Variants in GAS2L3 observed in about 807,000 individuals in gnomAD.
GAS2L3 encodes GAS2-like protein 3.
GAS2L3 carries 28 observed loss-of-function variants against 37.0 expected under a neutral mutation model. That is an observed-to-expected ratio of 0.76 (90% confidence interval 0.56 to 1.04). The LOEUF (loss-of-function observed/expected upper bound fraction) is 1.04, where lower values mean the gene tolerates loss of function less well. Among genes scored for constraint, GAS2L3 ranks in the 50% least tolerant of loss-of-function variants. The pLI is 0.00. For missense variants in GAS2L3, 793 were observed against 817.6 expected, an observed-to-expected ratio of 0.97 and a Z score of 0.37; for synonymous variants, 290 against 296.6, an observed-to-expected ratio of 0.98 and a Z score of 0.23.
At chr12:100,594,460 T>C (rs758969447) in intron 2 of GAS2L3, among the ~76,000 whole-genome samples, 17 of 152,040 alleles carry the variant, frequency 1.1e-4, no homozygotes, top group Non-Finnish European at 2.1e-4. Context: ...CTGTTAGGAC[T>C]TTGATGACAG....
In GAS2L3 at chr12:100,589,036, G is replaced by A. The variant is rs111378140; in HGVS notation, c.-151-2700G>A. 1.6e-3 allele frequency among the ~76,000 whole-genome samples: 239 copies of A among 152,266 alleles called. 2 individuals carry two copies. The East Asian group carries it at 0.024, about 15-fold the overall frequency. ...ACACAATTATCACAGTGGTCCTGAG[G>A]TGATGTACATCCTCAGCTTACGAAG... is the stretch of plus-strand genomic sequence containing the variant. On this transcript the variant is annotated intron_variant, in intron 1 of 9. Transcript: ENST00000547754.
chr12:100,594,362 T>G (rs554859099), intron 2 of GAS2L3, among the ~76,000 whole-genome samples: 7 of 152,182 alleles, frequency 4.6e-5, no homozygotes, highest in African/African-American at 1.4e-4. Context: ...CATTGAGCAT[T>G]TTGGTTCACA....
intron 2 of GAS2L3, chr12:100,593,832 G>A (rs550340577): frequency 6.6e-6 from 1 of 152,172 alleles, no homozygotes; most frequent in Admixed American, 6.6e-5. Context: ...GTGGTGGAGA[G>A]AAGGGAAAAT....
chr12:100,615,887 G>T (rs1184761992), intron 6 of GAS2L3, among the ~76,000 whole-genome samples: 1 of 152,068 alleles, frequency 6.6e-6, no homozygotes, highest in Non-Finnish European at 1.5e-5. Context: ...CTTGATTACT[G>T]TAGCTTATAG....
chr12:100,577,877 A>G (rs1156933754), intron 1 of GAS2L3, among the ~76,000 whole-genome samples: 1 of 152,230 alleles, frequency 6.6e-6, no homozygotes, highest in African/African-American at 2.4e-5. Context: ...AGGTGAAAGC[A>G]TGGCGCTTAG....
chr12:100,586,222 T>A (rs1217008595), intron 1 of GAS2L3, among the ~76,000 whole-genome samples: 1 of 152,146 alleles, frequency 6.6e-6, no homozygotes, highest in African/African-American at 2.4e-5. Context: ...TTGGGACAAA[T>A]GGACTTAACA....
intron 8 of GAS2L3, 43 bp from the exon 9 acceptor site, chr12:100,622,232 C>CT: frequency 9.2e-7 from 1 of 1,091,778 alleles, no homozygotes; most frequent in Non-Finnish European, 1.4e-6. Context: ...AAACAAAATG[C>CT]TTTTTGTGAC....
chr12:100,615,949 T>C (rs1956182086), intron 6 of GAS2L3, among the ~76,000 whole-genome samples: 1 of 151,970 alleles, frequency 6.6e-6, no homozygotes, highest in African/African-American at 2.4e-5. Flanking sequence ...TTTTTCTAGA[T>C]TGGTTAGGCT....
At chr12:100,579,501 T>C (rs1029489395) in intron 1 of GAS2L3, 11 of 773,058 alleles carry the variant, frequency 1.4e-5, no homozygotes, top group South Asian at 1.1e-4. Flanking sequence ...TTGTCAGAAA[T>C]ATTAAGATTT....
Position 100,624,591 on chromosome 12 carries a change from G to A in GAS2L3, c.1786G>A (p.Ala596Thr). 4 of 1,614,078 alleles carry A rather than the reference G, an allele frequency of 2.5e-6. No individual in the cohort carries two copies. Among genetic ancestry groups the A allele is most frequent in the Non-Finnish European group, 3.4e-6 (4 of 1,180,032 alleles). The change falls in exon 10 of 10, where the codon GCA (alanine) becomes ACA (threonine). Residue 596 changes from alanine to threonine, a missense_variant. By Grantham distance (58) the Ala-to-Thr change is moderately conservative. Transcript: ENST00000547754. ...ATKKQPQNKS[A>T]FQKTGPSSLK... ...CAAAAAGCAGCCTCAGAATAAAAGT[G>A]CATTTCAGAAGACAGGACCCAGCTC...
At position 100,624,822 on chromosome 12, in the gene GAS2L3, A is replaced by G. The variant is rs767945220; in HGVS notation, c.2017A>G (p.Thr673Ala). 6.2e-7 allele frequency: 1 copy of G among 1,612,562 alleles called. No homozygotes were observed. Among genetic ancestry groups the G allele is most frequent in the East Asian group, 2.2e-5 (1 of 44,884 alleles). ...KDADSGDKKPTAKKKEDDDHY... is the reference protein window; with the variant it reads ...KDADSGDKKPAAKKKEDDDHY... ...TGCAGATAGTGGAGATAAAAAACCT[A>G]CTGCAAAGAAAAAGGAAGATGATGA... Residue 673 changes from threonine (T) to alanine (A), a missense_variant, in exon 10 of 10, where the codon ACT becomes GCT. By Grantham distance (58) the Thr-to-Ala change is moderately conservative. Coordinates refer to ENST00000547754, the MANE Select transcript of GAS2L3 (RefSeq NM_174942.3).
At chr12:100,575,103 AG>A (rs963541437) in intron 1 of GAS2L3, among the ~76,000 whole-genome samples, 13 of 152,186 alleles carry the variant, frequency 8.5e-5, no homozygotes, top group African/African-American at 3.1e-4. Context: ...AGTCTGTGAA[AG>A]AAGGTTAATA....
rs1199311062 is a variant in GAS2L3 at position 100,573,691 on chromosome 12, G to C, written c.-246G>C. 3 of 158,126 alleles carry C rather than the reference G, an allele frequency of 1.9e-5. No homozygotes were observed. Among genetic ancestry groups the C allele is most frequent in the African/African-American group, 7.2e-5 (3 of 41,510 alleles). The allele number at this position is 158,126 out of a possible 1,614,324, so 9.8% of individuals were successfully genotyped here. Reference sequence around the variant, plus strand: ...CTACTGACCCTGAGGCCCAGGCGGCGGCGGCAGCGGCGGCGGTTGGTCAGG... The same window carrying C: ...CTACTGACCCTGAGGCCCAGGCGGCCGCGGCAGCGGCGGCGGTTGGTCAGG... On this transcript the variant is annotated 5_prime_UTR_variant, in exon 1 of 10. Coordinates refer to ENST00000547754, the MANE Select transcript of GAS2L3 (RefSeq NM_174942.3).
chr12:100,591,405 G>T (rs1464222169), intron 1 of GAS2L3, among the ~76,000 whole-genome samples: 1 of 152,170 alleles, frequency 6.6e-6, no homozygotes, highest in Non-Finnish European at 1.5e-5. Flanking sequence ...CTAGCAAAGT[G>T]AGTTGTCAGT....
At chr12:100,577,995 C>G (rs552543568) in intron 1 of GAS2L3, among the ~76,000 whole-genome samples, 1 of 152,304 alleles carries the variant, frequency 6.6e-6, no homozygotes, top group African/African-American at 2.4e-5. Flanking sequence ...TGGGCTTTAT[C>G]CTGAAAACAC....
intron 1 of GAS2L3, among the ~76,000 whole-genome samples, chr12:100,577,175 C>T (rs1565794604): frequency 6.6e-6 from 1 of 152,196 alleles, no homozygotes; most frequent in Admixed American, 6.5e-5. Context: ...GACATATTTT[C>T]ATATCAGTGC....
rs1045906398 is a variant in GAS2L3 at position 100,624,404 on chromosome 12, A to G, written c.1599A>G (p.Leu533=). 2 of 1,614,086 alleles carry G rather than the reference A, an allele frequency of 1.2e-6. No individual in the cohort carries two copies. Among genetic ancestry groups the G allele is most frequent in the East Asian group, 2.2e-5 (1 of 44,860 alleles). The change falls in exon 10 of 10, where the codon CTA becomes CTG. Residue 533 remains leucine (L), a synonymous_variant. Coordinates refer to ENST00000547754, the MANE Select transcript of GAS2L3 (RefSeq NM_174942.3). ...KTSSKTIATG[L]GTQSQPSDGA... ...GTTCCAAAACCATAGCCACGGGTCT[A>G]GGAACACAGTCTCAACCATCCGATG...
chr12:100,575,700 G>C (rs12578671), intron 1 of GAS2L3, among the ~76,000 whole-genome samples: 26,020 of 151,658 alleles, frequency 0.17, 3,132 homozygotes, highest in East Asian at 0.48. Flanking sequence ...GGATGGTCTC[G>C]ATCTCTTGAC....
intron 1 of GAS2L3, chr12:100,579,593 G>C (rs893128928): frequency 2.6e-6 from 2 of 772,966 alleles, no homozygotes; most frequent in Non-Finnish European, 4.8e-6. Context: ...ATGACAGGGT[G>C]CATCTTTTGG....
Sources: allele counts gnomAD v4.1 joint callset (sites outside exome capture counted in the v4.1 genomes callset), GRCh38; gene constraint gnomAD v4.1.1; transcripts MANE v1.5; gene names NCBI Gene and HGNC (gene_info 2026-07-23, HGNC 2026-07-21).